FCAR: variants seen among roughly 807,000 people sequenced by gnomAD.
FCAR encodes immunoglobulin alpha Fc receptor.
Under a neutral mutation model 27.1 loss-of-function variants are expected in FCAR, and 21 were observed. The observed-to-expected ratio is 0.77, with a 90% CI of 0.55 to 1.11. FCAR has a LOEUF of 1.11. FCAR is among the 50% of genes most tolerant of loss of function. The pLI is 0.00. For missense variants in FCAR, 404 were observed against 358.4 expected (o/e 1.13, Z -1.03); for synonymous variants, 134 against 135.8 (o/e 0.99, Z 0.09).
At position 54,875,377 on chromosome 19, in the gene FCAR, G is replaced by A. The variant is rs2066037889; in HGVS notation, c.70+12G>A. On this transcript the variant is annotated intron_variant, in intron 2 of 4. Transcript: ENST00000355524. ...TCAGGCACAGGAAGGTAAGTGTCCTGTAAATCTCTCCCAGCCCCTTTAGAC... is the reference window on the plus strand; with the variant it reads ...TCAGGCACAGGAAGGTAAGTGTCCTATAAATCTCTCCCAGCCCCTTTAGAC... 1.2e-6 allele frequency: 2 copies of A among 1,611,810 alleles called. No individual in the cohort carries two copies. The highest frequency in any genetic ancestry group is 1.7e-5 in the Admixed American group (1 of 59,870).
Position 54,891,362 on chromosome 19 carries a change from A to G in FCAR, c.*1499A>G, listed in dbSNP as rs2067063894. 6.6e-6 allele frequency: 1 copy of G among 152,192 alleles called. No individual in the cohort carries two copies. Among genetic ancestry groups the G allele is most frequent in the African/African-American group, 2.4e-5 (1 of 41,454 alleles). The allele number at this position is 152,192 out of a possible 1,614,324, so 9.4% of individuals were successfully genotyped here. ...TGAGAGCTTATCTCTACTTGATAAA[A>G]TTTCTACTGTATTCTTGGCTTAACT... On this transcript the variant is annotated 3_prime_UTR_variant, in exon 5 of 5. Coordinates refer to ENST00000355524, the MANE Select transcript of FCAR (RefSeq NM_002000.4).
Position 54,888,105 on chromosome 19 carries a change from G to A in FCAR, c.460G>A (p.Asp154Asn), listed in dbSNP as rs267605679. Residue 154 changes from aspartate (D) to asparagine (N), a missense_variant, in exon 4 of 5, where the codon GAT becomes AAT. Coordinates refer to ENST00000355524, the MANE Select transcript of FCAR (RefSeq NM_002000.4). ...LTCSSAHIPF[D>N]RFSLAKEGEL... is the part of the protein sequence containing the mutation. ...GTGCAGCTCAGCACACATCCCATTT[G>A]ATAGATTTTCACTGGCCAAGGAGGG... 6.2e-7 allele frequency: 1 copy of A among 1,614,114 alleles called. No homozygotes were observed. Among genetic ancestry groups the A allele is most frequent in the Non-Finnish European group, 8.5e-7 (1 of 1,179,980 alleles).
chr19:54,875,549 T>C (rs900304544), intron 2 of FCAR, among the ~76,000 whole-genome samples, 184 bp downstream of exon 2: 3 of 152,232 alleles, frequency 2.0e-5, no homozygotes, highest in East Asian at 1.9e-4. Flanking sequence ...GACTCATTAA[T>C]GCTCAGGCCT....
In FCAR at chr19:54,889,828, T is replaced by A; in HGVS notation, c.829T>A (p.Leu277Met). 1 of 1,608,496 alleles carries A rather than the reference T, an allele frequency of 6.2e-7. No individual in the cohort carries two copies. The highest frequency in any genetic ancestry group is 8.5e-7 in the Non-Finnish European group (1 of 1,179,980). The change falls in exon 5 of 5, where the codon TTG becomes ATG. Residue 277 changes from leucine to methionine, a missense_variant. By Grantham distance (15) the Leu-to-Met change is conservative. Transcript: ENST00000355524. ...SWSQQMCQPG[L>M]TFARTPSVCK ...GAGCCAACAGATGTGTCAGCCAGGA[T>A]TGACCTTTGCACGAACACCAAGTGT...
chr19:54,874,257 G>T lies in FCAR; in HGVS notation c.-33G>T. On this transcript the variant is annotated 5_prime_UTR_variant, in exon 1 of 5. The change creates a new upstream start codon in the 5' untranslated region. Coordinates refer to ENST00000355524, the MANE Select transcript of FCAR (RefSeq NM_002000.4). Reference sequence around the variant, plus strand: ...GTCATCCTGCTAATGTGCATTGAAAGGAGAGCAACGGGGCTGAGGCCGTGT... The same window carrying T: ...GTCATCCTGCTAATGTGCATTGAAATGAGAGCAACGGGGCTGAGGCCGTGT... The T allele has an allele frequency of 6.2e-7, 1 of 1,613,510 alleles. No individual in the cohort carries two copies. Among genetic ancestry groups the T allele is most frequent in the East Asian group, 2.2e-5 (1 of 44,844 alleles).
At chr19:54,882,807 C>A (rs768515761) in intron 2 of FCAR, among the ~76,000 whole-genome samples, 1 of 152,128 alleles carries the variant, frequency 6.6e-6, no homozygotes, top group Non-Finnish European at 1.5e-5. Context: ...TGAGTACAGT[C>A]GCTTGGCTTC....
intron 2 of FCAR, among the ~76,000 whole-genome samples, chr19:54,879,731 T>C (rs2066304226): frequency 6.6e-6 from 1 of 151,118 alleles, no homozygotes; most frequent in South Asian, 2.1e-4. Flanking sequence ...GCTGCCAGGC[T>C]GGAGTGCAAT....
intron 2 of FCAR, among the ~76,000 whole-genome samples, chr19:54,879,065 T>C (rs2066269197): frequency 6.6e-6 from 1 of 151,278 alleles, no homozygotes; most frequent in Non-Finnish European, 1.5e-5. Context: ...TTATTAGAGA[T>C]GGGATTTCAT....
chr19:54,880,548 T>C (rs1373148949), intron 2 of FCAR, among the ~76,000 whole-genome samples: 1 of 152,202 alleles, frequency 6.6e-6, no homozygotes. Context: ...ATTCTATTTC[T>C]GTCATTTCAG....
At chr19:54,878,966 C>T (rs1265229031) in intron 2 of FCAR, among the ~76,000 whole-genome samples, 2 of 149,602 alleles carry the variant, frequency 1.3e-5, no homozygotes, top group Non-Finnish European at 3.0e-5. Flanking sequence ...GCAACTTCTG[C>T]CTCCCAGGTT....
In FCAR at chr19:54,888,205, T is replaced by A. The variant is rs746696526; in HGVS notation, c.560T>A (p.Val187Asp). The change falls in exon 4 of 5, where the codon GTC (valine) becomes GAC (aspartate). Residue 187 changes from valine to aspartate, a missense_variant. Val to Asp is a radical substitution (Grantham distance 152). Coordinates refer to ENST00000355524, the MANE Select transcript of FCAR (RefSeq NM_002000.4). ...TCTTTGGGTCCTGTGGACCTCAATG[T>A]CTCAGGGATCTACAGGTGCTACGGT... is the stretch of plus-strand genomic sequence containing the variant. ...NFSLGPVDLN[V>D]SGIYRCYGWY... The A allele has an allele frequency of 1.2e-6, 2 of 1,614,100 alleles. No homozygotes were observed. Among genetic ancestry groups the A allele is most frequent in the Non-Finnish European group, 1.7e-6 (2 of 1,179,958 alleles).
chr19:54,888,026 CCT>C lies in FCAR; in HGVS notation c.386_387del (p.Ser129CysfsTer25). Reference sequence around the variant, plus strand: ...TCTTAGGCTTGTATGGCAAACCCTTCCTCTCTGCAGATCGGGGTCTGGTGTTG... The same window carrying C: ...TCTTAGGCTTGTATGGCAAACCCTTCCTCTGCAGATCGGGGTCTGGTGTTG... ...VVTGLYGKPF[L>X]SADRGLVLMP... is the part of the protein sequence containing the mutation. On this transcript the variant is annotated frameshift_variant, in exon 4 of 5. Coordinates refer to ENST00000355524, the MANE Select transcript of FCAR (RefSeq NM_002000.4). LOFTEE classifies it high-confidence loss of function. 6.2e-7 allele frequency: 1 copy of C among 1,613,496 alleles called. No homozygotes were observed. The highest frequency in any genetic ancestry group is 8.5e-7 in the Non-Finnish European group (1 of 1,179,496).
chr19:54,883,936 A>G (rs939405710), intron 2 of FCAR, among the ~76,000 whole-genome samples: 3 of 152,132 alleles, frequency 2.0e-5, no homozygotes, highest in African/African-American at 4.8e-5. Flanking sequence ...CAGCCTGGGC[A>G]ACAGAGTGAG....
chr19:54,888,481 G>A, intron 4 of FCAR, 187 bp downstream of exon 4: 1 of 1,422,184 alleles, frequency 7.0e-7, no homozygotes, highest in South Asian at 1.6e-5. Context: ...GAGTTCTCCA[G>A]ACAGGGTTCA....
chr19:54,883,179 TA>T, intron 2 of FCAR, among the ~76,000 whole-genome samples: 1 of 150,258 alleles, frequency 6.7e-6, no homozygotes, highest in Non-Finnish European at 1.5e-5. Context: ...AAAATTTTTG[TA>T]ATTTTTTTTT....
intron 3 of FCAR, among the ~76,000 whole-genome samples, chr19:54,887,788 G>A (rs978399672): frequency 4.0e-5 from 6 of 151,400 alleles, no homozygotes; most frequent in South Asian, 2.1e-4. Context: ...GTGGTGGTAC[G>A]CACCTGTAAT....
At chr19:54,880,760 T>C (rs1260222354) in intron 2 of FCAR, 1 of 152,246 alleles carries the variant, frequency 6.6e-6, no homozygotes, top group Non-Finnish European at 1.5e-5. Context: ...AGACTTCTTT[T>C]CTGGATGGTT....
Position 54,875,853 on chromosome 19 carries a change from A to G in FCAR, c.70+488A>G, listed in dbSNP as rs587619993. On this transcript the variant is annotated intron_variant, in intron 2 of 4. Coordinates refer to ENST00000355524, the MANE Select transcript of FCAR (RefSeq NM_002000.4). ...CTGCCACCCCAACTACTACTGCCTT[A>G]GCCTCCTAATGGGTGTGAGCCCCAC... 3.3e-5 allele frequency among the ~76,000 whole-genome samples: 5 copies of G among 152,332 alleles called. No homozygotes were observed. The East Asian group carries it at 9.6e-4, about 29-fold the overall frequency.
intron 1 of FCAR, among the ~76,000 whole-genome samples, chr19:54,875,077 A>G (rs374702734): frequency 6.6e-6 from 1 of 151,996 alleles, no homozygotes; most frequent in Admixed American, 6.6e-5. Context: ...CGGCTGAGGC[A>G]GGAGAATGGC....
Sources: allele counts gnomAD v4.1 joint callset (sites outside exome capture counted in the v4.1 genomes callset), GRCh38; gene constraint gnomAD v4.1.1; transcripts MANE v1.5; gene names NCBI Gene and HGNC (gene_info 2026-07-23, HGNC 2026-07-21).